The following HNF4A variants were observed in gnomAD, a reference collection of about 807,000 sequenced individuals.
HNF4A encodes the protein hepatocyte nuclear factor 4-alpha.
In HNF4A, 15 loss-of-function variants were observed where a neutral mutation model predicts 52.4. The ratio of observed to expected loss-of-function variants is 0.29; its 90% CI spans 0.19 to 0.44. The LOEUF is 0.44. HNF4A is among the 20% of genes least tolerant of loss of function. The pLI is 1.00. For missense variants in HNF4A, 479 were observed against 647.2 expected, an observed-to-expected ratio of 0.74 and a Z score of 2.82; for synonymous variants, 280 against 264.4, an observed-to-expected ratio of 1.06 and a Z score of -0.57.
At chr20:44,397,312 T>TA (rs928666366), upstream of HNF4A, among the ~76,000 whole-genome samples, 43 of 149,952 alleles carry the variant, frequency 2.9e-4, no homozygotes, top group Middle Eastern at 3.4e-3. Context: ...TTCCACTAGT[T>TA]AAAAAAAAAA....
chr20:44,419,881 A>G lies in HNF4A; in HGVS notation c.892+5A>G, dbSNP rs1216274622. On this transcript the variant is annotated splice_donor_5th_base_variant and intron_variant, in intron 7 of 9. Transcript: ENST00000316099. ...CCATCATCTTCTTTGACCCAGGTAC[A>G]GTGCACACCTCCTAAGCCATCCCTG... The G allele has an allele frequency of 6.2e-7, 1 of 1,613,844 alleles. No individual in the cohort carries two copies. The highest frequency in any genetic ancestry group is 2.2e-5 in the East Asian group (1 of 44,882).
intron 1 of HNF4A, among the ~76,000 whole-genome samples, chr20:44,365,421 C>T (rs944769768): frequency 6.6e-6 from 1 of 152,104 alleles, no homozygotes. Flanking sequence ...CTTCCTGCAT[C>T]AGCCTCCCAA....
chr20:44,428,335 G>C lies in HNF4A; in HGVS notation c.1130G>C (p.Gly377Ala). The C allele has an allele frequency of 6.2e-7, 1 of 1,613,896 alleles. No homozygotes were observed. Among genetic ancestry groups the C allele is most frequent in the Non-Finnish European group, 8.5e-7 (1 of 1,179,998 alleles). ...CCTGATCGACCTTCTCTACCTGCAG[G>C]GTCCCCCAGCGATGCACCCCATGCC... The change falls in exon 9 of 10, where the codon GGG (glycine) becomes GCG (alanine). Residue 377 changes from glycine (G) to alanine (A), a missense_variant and splice_region_variant. Physicochemically the swap from Gly to Ala is moderately conservative, Grantham distance 60 (BLOSUM62 0). Coordinates refer to ENST00000316099, the MANE Select transcript of HNF4A (RefSeq NM_000457.6).
upstream of HNF4A, among the ~76,000 whole-genome samples, chr20:44,397,592 C>T (rs745838092): frequency 2.6e-5 from 4 of 151,870 alleles, no homozygotes; most frequent in Non-Finnish European, 5.9e-5. Flanking sequence ...ATTTTTGTAC[C>T]CATGAACCAA....
At chr20:44,369,025 A>T (rs539928472) in intron 1 of HNF4A, among the ~76,000 whole-genome samples, 19 of 152,112 alleles carry the variant, frequency 1.2e-4, no homozygotes, top group African/African-American at 7.2e-5. Context: ...AGGCGGGCAG[A>T]TCACAAGGTC....
intron 1 of HNF4A, among the ~76,000 whole-genome samples, chr20:44,405,029 GGTGCGTGTGT>G (rs1377778629): frequency 2.1e-4 from 31 of 150,010 alleles, no homozygotes; most frequent in Non-Finnish European, 8.9e-5. Context: ...TGGACTGTGT[GGTGCGTGTGT>G]GTGCTTGTGT....
intron 1 of HNF4A, among the ~76,000 whole-genome samples, chr20:44,388,029 G>T (rs562125802): frequency 6.6e-6 from 1 of 152,114 alleles, no homozygotes; most frequent in East Asian, 1.9e-4. Flanking sequence ...ATAGTATATG[G>T]GCTCCAGGTG....
intron 1 of HNF4A, among the ~76,000 whole-genome samples, chr20:44,369,870 C>T (rs2063013481): frequency 6.6e-6 from 1 of 152,098 alleles, no homozygotes; most frequent in Non-Finnish European, 1.5e-5. Context: ...TGACCTCAAG[C>T]GATTTGTCCA....
At chr20:44,382,358 C>T (rs1199187270) in intron 1 of HNF4A, among the ~76,000 whole-genome samples, 2 of 152,116 alleles carry the variant, frequency 1.3e-5, no homozygotes, top group African/African-American at 4.8e-5. Flanking sequence ...CCTGCCTCAG[C>T]CTCCCAAGTA....
At chr20:44,359,473 G>A (rs2062894340) in intron 1 of HNF4A, among the ~76,000 whole-genome samples, 2 of 152,228 alleles carry the variant, frequency 1.3e-5, no homozygotes, top group Non-Finnish European at 2.9e-5. Flanking sequence ...GGGAAGACAA[G>A]TATGTAGTGG....
chr20:44,355,826 C>G (rs775770184), exon 1 of HNF4A: 1 of 1,613,728 alleles, frequency 6.2e-7, no homozygotes, highest in East Asian at 2.2e-5. Flanking sequence ...GAACGCGCCC[C>G]TCGGGGCTCC....
At chr20:44,413,603 C>G (rs976132369) in intron 3 of HNF4A, 91 bp from the exon 4 acceptor site, 15 of 875,904 alleles carry the variant, frequency 1.7e-5, no homozygotes, top group Non-Finnish European at 1.9e-6. Context: ...ACACCCCCCA[C>G]CTCCTGCTCC....
At chr20:44,427,422 A>G (rs1386698974) in intron 8 of HNF4A, among the ~76,000 whole-genome samples, 1 of 152,238 alleles carries the variant, frequency 6.6e-6, no homozygotes, top group Admixed American at 6.5e-5. Context: ...AAACATGGGA[A>G]GTGCTATACA....
Position 44,424,226 on chromosome 20 carries a change from C to T in HNF4A, c.1101C>T (p.Asp367=). Residue 367 remains aspartate (D), a synonymous_variant, in exon 8 of 10, where the codon GAC becomes GAT. Coordinates refer to ENST00000316099, the MANE Select transcript of HNF4A (RefSeq NM_000457.6). The stretch of plus-strand genomic sequence containing the variant: ...AGCTCTTCGGCATGGCCAAGATTGA[C>T]AACCTGTTGCAGGAGATGCTGCTGG... The T allele has an allele frequency of 6.2e-7, 1 of 1,614,082 alleles. No homozygotes were observed. Among genetic ancestry groups the T allele is most frequent in the Non-Finnish European group, 8.5e-7 (1 of 1,180,010 alleles).
intron 6 of HNF4A, 33 bp downstream of exon 6, chr20:44,418,545 A>G: frequency 6.6e-7 from 1 of 1,523,490 alleles, no homozygotes. Context: ...CCAGGGCTCC[A>G]GGGAGGGTAT....
intron 3 of HNF4A, among the ~76,000 whole-genome samples, chr20:44,410,283 G>A (rs906610019): frequency 6.6e-6 from 1 of 152,240 alleles, no homozygotes; most frequent in African/African-American, 2.4e-5. Flanking sequence ...CTGCCCGGAG[G>A]ATAGGAGAGT....
chr20:44,374,065 G>C (rs952259234), intron 1 of HNF4A, among the ~76,000 whole-genome samples: 1 of 152,140 alleles, frequency 6.6e-6, no homozygotes, highest in Non-Finnish European at 1.5e-5. Context: ...TGACACTGAA[G>C]TTTAGGCTAT....
intron 1 of HNF4A, among the ~76,000 whole-genome samples, chr20:44,385,914 C>T (rs1163062007): frequency 1.3e-5 from 2 of 151,690 alleles, no homozygotes; most frequent in African/African-American, 4.9e-5. Flanking sequence ...GGCTGGAGTG[C>T]AGTGGCACGA....
chr20:44,389,237 A>C (rs891985613), intron 1 of HNF4A, among the ~76,000 whole-genome samples: 4 of 152,214 alleles, frequency 2.6e-5, no homozygotes, highest in Non-Finnish European at 4.4e-5. Flanking sequence ...TCTTCACTGC[A>C]CTTAACCACT....
Sources: allele counts gnomAD v4.1 joint callset (sites outside exome capture counted in the v4.1 genomes callset), GRCh38; gene constraint gnomAD v4.1.1; transcripts MANE v1.5; gene names NCBI Gene and HGNC (gene_info 2026-07-23, HGNC 2026-07-21).